CTNNA3: variants seen among roughly 807,000 people sequenced by gnomAD.
CTNNA3 encodes the protein catenin alpha-3.
Under a neutral mutation model 95.7 loss-of-function variants are expected in CTNNA3, and 76 were observed. That is an observed-to-expected ratio of 0.79 (90% confidence interval 0.66 to 0.96). CTNNA3 has a LOEUF of 0.96. Among genes scored for constraint, CTNNA3 ranks in the 40% least tolerant of loss-of-function variants. The probability of loss-of-function intolerance (pLI) is 0.00; values close to 1 mark genes in which losing one functional copy is unlikely to be tolerated. For missense variants in CTNNA3, 1,191 were observed against 1,089.8 expected (o/e 1.09, Z -1.31); for synonymous variants, 431 against 374.4 (o/e 1.15, Z -1.74).
At chr10:67,403,871 T>C (rs2132815379) in intron 5 of CTNNA3, among the ~76,000 whole-genome samples, 1 of 152,354 alleles carries the variant, frequency 6.6e-6, no homozygotes, top group South Asian at 2.1e-4. Flanking sequence ...CAGGCTGCCA[T>C]CTTTGCTGTT....
intron 10 of CTNNA3, among the ~76,000 whole-genome samples, chr10:66,590,599 G>A (rs1403980161): frequency 6.6e-6 from 1 of 152,026 alleles, no homozygotes; most frequent in Non-Finnish European, 1.5e-5. Context: ...CAGAAAGCCA[G>A]CTTTACATTT....
At chr10:65,928,218 A>G (rs2077197160) in intron 17 of CTNNA3, among the ~76,000 whole-genome samples, 1 of 152,148 alleles carries the variant, frequency 6.6e-6, no homozygotes, top group Non-Finnish European at 1.5e-5. Context: ...ATATACAGAT[A>G]TTGTTCAAGC....
In CTNNA3 at chr10:67,524,111, G is replaced by C. The variant is rs532610809; in HGVS notation, c.460-2150C>G. On this transcript the variant is annotated intron_variant, in intron 4 of 17. Transcript: ENST00000433211. ...TTTAGAGCAAACACACTTGTAAAGA[G>C]TGTTCAAAATAGCCGGGCGCGGTGG... 8.3e-4 allele frequency among the ~76,000 whole-genome samples: 127 copies of C among 152,262 alleles called. 1 individual carries two copies. Among genetic ancestry groups the C allele is most frequent in the African/African-American group, 2.9e-3 (119 of 41,538 alleles).
chr10:67,181,749 T>A (rs1862556761), intron 6 of CTNNA3, among the ~76,000 whole-genome samples: 1 of 152,064 alleles, frequency 6.6e-6, no homozygotes, highest in South Asian at 2.1e-4. Context: ...GGATTGAAAG[T>A]AGCCAGGATA....
intron 5 of CTNNA3, among the ~76,000 whole-genome samples, chr10:67,296,554 A>C (rs972523403): frequency 6.6e-6 from 1 of 152,228 alleles, no homozygotes; most frequent in Non-Finnish European, 1.5e-5. Flanking sequence ...TTGTGAGGAC[A>C]AAGCATGGCA....
chr10:66,899,667 G>A (rs183015981), intron 7 of CTNNA3, among the ~76,000 whole-genome samples: 1 of 152,256 alleles, frequency 6.6e-6, no homozygotes, highest in African/African-American at 2.4e-5. Flanking sequence ...GCTTTTCAAT[G>A]GTCTTAGCAA....
intron 7 of CTNNA3, among the ~76,000 whole-genome samples, chr10:67,139,148 A>G (rs1239388000): frequency 6.6e-6 from 1 of 151,984 alleles, no homozygotes; most frequent in East Asian, 1.9e-4. Context: ...TTATTTATTT[A>G]TTGTGATGGA....
intron 12 of CTNNA3, among the ~76,000 whole-genome samples, chr10:66,293,475 T>C (rs1324015713): frequency 6.6e-6 from 1 of 152,078 alleles, no homozygotes; most frequent in East Asian, 1.9e-4. Context: ...AGTTGTAATT[T>C]AAACTTTAAG....
chr10:66,064,531 A>T (rs1354624871), intron 15 of CTNNA3, among the ~76,000 whole-genome samples: 1 of 152,186 alleles, frequency 6.6e-6, no homozygotes, highest in Non-Finnish European at 1.5e-5. Context: ...TATTTCTTAA[A>T]GATGGCCTTT....
intron 7 of CTNNA3, among the ~76,000 whole-genome samples, chr10:67,034,638 C>T (rs1490327108): frequency 1.3e-5 from 2 of 152,106 alleles, no homozygotes; most frequent in Non-Finnish European, 2.9e-5. Flanking sequence ...CAAGAATGGC[C>T]GTGTGTTCTG....
At chr10:67,142,530 A>AT (rs201172358) in intron 7 of CTNNA3, among the ~76,000 whole-genome samples, 2,739 of 152,192 alleles carry the variant, frequency 0.018, 61 homozygotes, top group African/African-American at 0.063. Flanking sequence ...AGTCACATGG[A>AT]TTTTTTTGGT....
At chr10:67,171,496 C>T (rs1862018731) in intron 7 of CTNNA3, among the ~76,000 whole-genome samples, 2 of 151,906 alleles carry the variant, frequency 1.3e-5, no homozygotes, top group South Asian at 4.2e-4. Flanking sequence ...ATTGCTTGAA[C>T]CTGGGAGTCA....
chr10:66,792,458 C>T (rs1308349154), intron 7 of CTNNA3, among the ~76,000 whole-genome samples: 1 of 152,084 alleles, frequency 6.6e-6, no homozygotes, highest in Admixed American at 6.6e-5. Context: ...GCCTAAAATT[C>T]TCTATCACCC....
chr10:66,095,843 A>G lies in CTNNA3; in HGVS notation c.1977+7314T>C, dbSNP rs182452881. Reference sequence around the variant, plus strand: ...TGTCCTAAATTACTTCTATTTATAGACCTTATATAGATTCAATGGCCCCAG... The same window carrying G: ...TGTCCTAAATTACTTCTATTTATAGGCCTTATATAGATTCAATGGCCCCAG... On this transcript the variant is annotated intron_variant, in intron 14 of 17. Transcript: ENST00000433211. 8.7e-3 allele frequency among the ~76,000 whole-genome samples: 1,329 copies of G among 152,130 alleles called. 21 individuals are homozygous for G. The highest frequency in any genetic ancestry group is 0.027 in the African/African-American group (1,126 of 41,504).
chr10:66,139,673 T>C (rs982265511), intron 13 of CTNNA3, among the ~76,000 whole-genome samples: 5 of 152,148 alleles, frequency 3.3e-5, no homozygotes, highest in African/African-American at 1.2e-4. Context: ...CACACTACAA[T>C]AGACCATCAT....
intron 12 of CTNNA3, among the ~76,000 whole-genome samples, chr10:66,307,721 G>T (rs561687524): frequency 2.6e-5 from 4 of 152,210 alleles, no homozygotes; most frequent in African/African-American, 9.6e-5. Context: ...GCATTTTATT[G>T]ATCTAAAGAC....
chr10:67,408,263 A>C (rs1162692860), intron 5 of CTNNA3, among the ~76,000 whole-genome samples: 1 of 152,196 alleles, frequency 6.6e-6, no homozygotes, highest in Non-Finnish European at 1.5e-5. Flanking sequence ...ACGGAACCAA[A>C]ATAGAACTCG....
At chr10:67,574,663 C>T (rs748135870) in intron 3 of CTNNA3, among the ~76,000 whole-genome samples, 3 of 150,926 alleles carry the variant, frequency 2.0e-5, no homozygotes, top group Non-Finnish European at 2.9e-5. Context: ...TCACCACAAC[C>T]TCTGCCTCCT....
At chr10:66,089,682 T>C (rs1291623764) in intron 14 of CTNNA3, among the ~76,000 whole-genome samples, 1 of 151,782 alleles carries the variant, frequency 6.6e-6, no homozygotes, top group Non-Finnish European at 1.5e-5. Context: ...AGGTCCTTTA[T>C]ATGCATTATT....
Sources: allele counts gnomAD v4.1 joint callset (sites outside exome capture counted in the v4.1 genomes callset), GRCh38; gene constraint gnomAD v4.1.1; transcripts MANE v1.5; gene names NCBI Gene and HGNC (gene_info 2026-07-23, HGNC 2026-07-21).